CENPU: variants seen among roughly 807,000 people sequenced by gnomAD.
The protein encoded by CENPU is centromere protein U.
In CENPU, 46 loss-of-function variants were observed where a neutral mutation model predicts 56.7. The ratio of observed to expected loss-of-function variants is 0.81; its 90% CI spans 0.64 to 1.04. The LOEUF (loss-of-function observed/expected upper bound fraction) is 1.04, where lower values mean the gene tolerates loss of function less well. Among genes scored for constraint, CENPU ranks in the 50% least tolerant of loss-of-function variants. The pLI is 0.00. For synonymous variants in CENPU, 166 were observed against 163.0 expected (o/e 1.02, Z -0.14); for missense variants, 510 against 490.1 (o/e 1.04, Z -0.38).
At chr4:184,698,714 G>A (rs1760426078) in intron 11 of CENPU, among the ~76,000 whole-genome samples, 1 of 152,176 alleles carries the variant, frequency 6.6e-6, no homozygotes, top group Admixed American at 6.5e-5. Context: ...CTCCCAAAGT[G>A]CTGGGACTAC....
chr4:184,728,048 A>C (rs1579797801), intron 3 of CENPU, among the ~76,000 whole-genome samples: 1 of 152,190 alleles, frequency 6.6e-6, no homozygotes, highest in East Asian at 1.9e-4. Flanking sequence ...ATTTTCTGGA[A>C]TTAGATAATG....
chr4:184,707,995 G>T (rs1263658866), intron 8 of CENPU, among the ~76,000 whole-genome samples: 2 of 152,036 alleles, frequency 1.3e-5, no homozygotes, highest in African/African-American at 4.8e-5. Flanking sequence ...GGCCAAAGTG[G>T]GTGGATCACT....
chr4:184,694,376 A>G lies in CENPU; in HGVS notation c.*912T>C. 7.1e-7 allele frequency: 1 copy of G among 1,414,584 alleles called. No homozygotes were observed. Among genetic ancestry groups the G allele is most frequent in the Non-Finnish European group, 9.2e-7 (1 of 1,085,578 alleles). The allele number at this position is 1,414,584 out of a possible 1,614,324, so 87.6% of individuals were successfully genotyped here. ...TCAGTGCACTCATTCCCACGGTGAG[A>G]TATCGGAGACAGCATTCCTCCTGCA... On this transcript the variant is annotated 3_prime_UTR_variant, in exon 13 of 13. Transcript: ENST00000281453.
intron 8 of CENPU, among the ~76,000 whole-genome samples, chr4:184,706,367 A>G (rs1760729162): frequency 6.6e-6 from 1 of 152,210 alleles, no homozygotes; most frequent in Admixed American, 6.5e-5. Flanking sequence ...TTTTTTAAAT[A>G]AGAAAAACTG....
intron 11 of CENPU, among the ~76,000 whole-genome samples, chr4:184,699,326 T>C (rs1166818827): frequency 1.3e-5 from 2 of 149,242 alleles, no homozygotes; most frequent in African/African-American, 5.0e-5. Context: ...CCAGACTCCG[T>C]CTCAAAAATA....
chr4:184,702,181 A>G, intron 9 of CENPU, 45 bp from the exon 10 acceptor site: 1 of 1,454,396 alleles, frequency 6.9e-7, no homozygotes, highest in Non-Finnish European at 9.6e-7. Flanking sequence ...TTCCAAAAGT[A>G]AATGTTAATT....
rs971624928 is a variant in CENPU, at chr4:184,700,811, G to A, written c.986+9C>T. The A allele has an allele frequency of 1.2e-6, 2 of 1,611,700 alleles. No homozygotes were observed. The highest frequency in any genetic ancestry group is 2.2e-5 in the South Asian group (2 of 91,040). On this transcript the variant is annotated intron_variant, in intron 11 of 12. Transcript: ENST00000281453. ...GTAAGTGCTCAAACAGGATTTGACA[G>A]TATCTTACCGAAGCAGTTCATCCTG...
At position 184,730,949 on chromosome 4, in the gene CENPU, T is replaced by C; in HGVS notation, c.67A>G (p.Thr23Ala). ...TTCATGGAATGTGTTCTTTCTAAAG[T>C]GTTCTTTGAACGTCTTGCGCTATTA... ...RSEGARRSKN[T>A]LERTHSMKDK... Residue 23 changes from threonine (T) to alanine (A), a missense_variant, in exon 2 of 13, where the codon ACT (threonine) becomes GCT (alanine). Transcript: ENST00000281453. 4.4e-6 allele frequency: 7 copies of C among 1,581,350 alleles called. No homozygotes were observed. The highest frequency in any genetic ancestry group is 5.1e-6 in the Non-Finnish European group (6 of 1,170,774).
At chr4:184,705,119 TA>T (rs1760680228) in intron 8 of CENPU, among the ~76,000 whole-genome samples, 3 of 152,158 alleles carry the variant, frequency 2.0e-5, no homozygotes, top group Admixed American at 6.5e-5. Flanking sequence ...AAAAAAAATG[TA>T]TCCAAATGTT....
At chr4:184,705,759 T>C (rs902560641) in intron 8 of CENPU, among the ~76,000 whole-genome samples, 1 of 152,198 alleles carries the variant, frequency 6.6e-6, no homozygotes, top group African/African-American at 2.4e-5. Flanking sequence ...GTTATCTGTA[T>C]ATACACAATA....
At position 184,695,259 on chromosome 4, in the gene CENPU, T is replaced by C. The variant is rs753840311; in HGVS notation, c.*29A>G. On this transcript the variant is annotated 3_prime_UTR_variant, in exon 13 of 13. Coordinates refer to ENST00000281453, the MANE Select transcript of CENPU (RefSeq NM_024629.4). ...GGTAACAGCATGAGACTAGTCTTCC[T>C]ATAGGCACATTTTAGTAGACTGCTC... 96 of 1,441,652 alleles carry C rather than the reference T, an allele frequency of 6.7e-5. 1 individual carries two copies. The South Asian group carries it at 1.0e-3, about 15-fold the overall frequency. 89.3% of individuals were successfully genotyped at this position (1,441,652 alleles called of 1,614,324 possible).
rs532944736 is a variant in CENPU at position 184,716,704 on chromosome 4, G to A, written c.382-71C>T. On this transcript the variant is annotated intron_variant, in intron 5 of 12. Transcript: ENST00000281453. ...GCTTATAATTCTTACTGTAATAGTA[G>A]AAAACCATATATATAGTCCACATTT... is the stretch of plus-strand genomic sequence containing the variant. 300 of 1,171,710 alleles carry A rather than the reference G, an allele frequency of 2.6e-4. No individual in the cohort carries two copies. In the African/African-American group the frequency reaches 2.8e-3, roughly 11 times the overall value. The allele number at this position is 1,171,710 out of a possible 1,614,324, so 72.6% of individuals were successfully genotyped here. A position where few individuals can be genotyped will look rare whatever the true frequency, so the allele number is the denominator to read the frequency against.
rs1760217025 is a variant in CENPU, at chr4:184,695,235, G to T, written c.*53C>A. 3.5e-6 allele frequency: 4 copies of T among 1,153,052 alleles called. No homozygotes were observed. The African/African-American group carries it at 4.6e-5, about 13-fold the overall frequency. 71.4% of individuals were successfully genotyped at this position (1,153,052 alleles called of 1,614,324 possible). On this transcript the variant is annotated 3_prime_UTR_variant, in exon 13 of 13. Transcript: ENST00000281453. ...ATTTATAAAGGTACAGTTTCAGAAG[G>T]TAACAGCATGAGACTAGTCTTCCTA...
intron 11 of CENPU, chr4:184,698,387 T>A (rs1260969610): frequency 6.6e-6 from 1 of 152,206 alleles, no homozygotes; most frequent in Non-Finnish European, 1.5e-5. Flanking sequence ...AGGCGGCAAA[T>A]TTTGTATTTT....
chr4:184,694,788 C>T lies in CENPU; in HGVS notation c.*500G>A, dbSNP rs775967252. 1 of 1,595,546 alleles carries T rather than the reference C, an allele frequency of 6.3e-7. No individual in the cohort carries two copies. Among genetic ancestry groups the T allele is most frequent in the Admixed American group, 1.7e-5 (1 of 59,644 alleles). Reference sequence around the variant, plus strand: ...AAGTATTACAAGAGTAACTAATTCACTATGAACACTTTTGTCACCAGGCTA... The same window carrying T: ...AAGTATTACAAGAGTAACTAATTCATTATGAACACTTTTGTCACCAGGCTA... On this transcript the variant is annotated 3_prime_UTR_variant, in exon 13 of 13. Coordinates refer to ENST00000281453, the MANE Select transcript of CENPU (RefSeq NM_024629.4).
intron 4 of CENPU, among the ~76,000 whole-genome samples, chr4:184,718,311 G>A (rs1761161531): frequency 6.6e-6 from 1 of 152,248 alleles, no homozygotes. Context: ...CGTAGGCACT[G>A]CAGTGCAGTC....
At chr4:184,702,209 A>G in intron 9 of CENPU, 73 bp from the exon 10 acceptor site, 1 of 1,315,424 alleles carries the variant, frequency 7.6e-7, no homozygotes, top group East Asian at 2.3e-5. Context: ...CATGTGTCAC[A>G]TTTAGTTTAA....
chr4:184,730,520 A>G (rs1029689160), intron 2 of CENPU, among the ~76,000 whole-genome samples: 18 of 151,314 alleles, frequency 1.2e-4, no homozygotes, highest in African/African-American at 4.4e-4. Context: ...AGAAATGCAC[A>G]TGCCTTTAAC....
At chr4:184,726,197 A>T (rs1421050905) in intron 3 of CENPU, among the ~76,000 whole-genome samples, 2 of 152,194 alleles carry the variant, frequency 1.3e-5, no homozygotes, top group African/African-American at 4.8e-5. Context: ...CAAGGGGGGA[A>T]AAAAGAAATA....
Sources: allele counts gnomAD v4.1 joint callset (sites outside exome capture counted in the v4.1 genomes callset), GRCh38; gene constraint gnomAD v4.1.1; transcripts MANE v1.5; gene names NCBI Gene and HGNC (gene_info 2026-07-23, HGNC 2026-07-21).